The following ADGRG5 variants were observed in gnomAD, a reference collection of about 807,000 sequenced individuals.
ADGRG5 encodes adhesion G protein-coupled receptor G5.
A neutral mutation model predicts 53.2 loss-of-function variants in ADGRG5; 37 were observed. That is an observed-to-expected ratio of 0.70 (90% CI 0.53 to 0.91). The LOEUF is 0.91. Among genes scored for constraint, ADGRG5 ranks in the 40% least tolerant of loss-of-function variants. The probability of loss-of-function intolerance (pLI) is 0.00; values close to 1 mark genes in which losing one functional copy is unlikely to be tolerated. For missense variants in ADGRG5, 614 were observed against 675.8 expected (o/e 0.91, Z 1.01); for synonymous variants, 277 against 290.4 (o/e 0.95, Z 0.47).
intron 7 of ADGRG5, among the ~76,000 whole-genome samples, chr16:57,567,032 C>T (rs1165384260): frequency 1.3e-5 from 2 of 152,190 alleles, no homozygotes; most frequent in Non-Finnish European, 2.9e-5. Context: ...ATAGGATCTC[C>T]TTATGAGATA....
At position 57,563,021 on chromosome 16, in the gene ADGRG5, G is replaced by GTCTACA. The variant is rs1435801419; in HGVS notation, c.141-69_141-64dup. The GTCTACA allele has an allele frequency of 1.9e-6, 3 of 1,553,496 alleles. No individual in the cohort carries two copies. In the East Asian group the frequency reaches 6.7e-5, roughly 35 times the overall value. ...TGGGGAGGCCCTGCCCTCCCAGGCT[G>GTCTACA]TCTACAGCCCCCTCTCACCCTTACC... On this transcript the variant is annotated intron_variant, in intron 3 of 11. Coordinates refer to ENST00000349457, the MANE Select transcript of ADGRG5 (RefSeq NM_001304376.3).
At chr16:57,562,741 C>G (rs2033033697) in intron 3 of ADGRG5, 2 of 545,570 alleles carry the variant, frequency 3.7e-6, no homozygotes, top group East Asian at 6.2e-5. Context: ...TCTGGCTGGG[C>G]TCTCCAGGGT....
the ADGRG5 span, among the ~76,000 whole-genome samples, chr16:57,531,230 C>T: frequency 2.0e-5 from 3 of 151,920 alleles, no homozygotes; most frequent in South Asian, 2.1e-4. Flanking sequence ...TGCCTCCATT[C>T]CCCCCGTGAC....
chr16:57,536,623 C>G, the ADGRG5 span: 2 of 152,120 alleles, frequency 1.3e-5, no homozygotes, highest in Non-Finnish European at 2.9e-5. Context: ...TCCTCCCTCC[C>G]GGGGGGAGGG....
At chr16:57,532,821 G>T in the ADGRG5 span, among the ~76,000 whole-genome samples, 5 of 152,210 alleles carry the variant, frequency 3.3e-5, no homozygotes, top group Admixed American at 6.5e-5. Flanking sequence ...GAGAGCCTGT[G>T]GGGGGAGGGG....
At chr16:57,556,617 C>T (rs1312606919) in intron 1 of ADGRG5, among the ~76,000 whole-genome samples, 3 of 152,196 alleles carry the variant, frequency 2.0e-5, no homozygotes, top group African/African-American at 7.2e-5. Context: ...TCCTGCCTGT[C>T]GTGCTATTTT....
chr16:57,574,545 CA>C lies in ADGRG5; in HGVS notation c.1209-269del, dbSNP rs2033457478. ...GTGGAAAGGAGAGAGGAAGAATTTT[CA>C]GGGGGGTGAAGACATGGGGACGTGA... On this transcript the variant is annotated intron_variant, in intron 10 of 11. Coordinates refer to ENST00000349457, the MANE Select transcript of ADGRG5 (RefSeq NM_001304376.3). The surrounding 1 kb of genome is among the most constrained non-coding windows in gnomAD (Gnocchi z 4.4). 1.3e-5 allele frequency among the ~76,000 whole-genome samples: 2 copies of C among 152,310 alleles called. No homozygotes were observed. Among genetic ancestry groups the C allele is most frequent in the Admixed American group, 6.5e-5 (1 of 15,288 alleles).
chr16:57,535,978 T>G, the ADGRG5 span, among the ~76,000 whole-genome samples: 1 of 152,146 alleles, frequency 6.6e-6, no homozygotes, highest in Non-Finnish European at 1.5e-5. Context: ...CCCAAGCCGC[T>G]GGCCCTGCGA....
At chr16:57,572,734 A>T (rs143451026) in intron 10 of ADGRG5, among the ~76,000 whole-genome samples, 28 of 152,360 alleles carry the variant, frequency 1.8e-4, no homozygotes, top group Middle Eastern at 3.4e-3. Flanking sequence ...AATCATTCAG[A>T]TGTCCACTGA....
chr16:57,569,826 T>C (rs1165721256), intron 9 of ADGRG5, among the ~76,000 whole-genome samples: 11 of 123,456 alleles, frequency 8.9e-5, no homozygotes, highest in African/African-American at 1.3e-4. Flanking sequence ...TCATCATCAT[T>C]ACCTCCTCCA....
In ADGRG5 at chr16:57,574,178, C is replaced by T. The variant is rs2404455; in HGVS notation, c.1209-637C>T. ...AGAGGCCTCCGGGAGGGCGTGGGACCGGGGCTGGCTTCGGTTAGTTCTCCA... is the reference window on the plus strand; with the variant it reads ...AGAGGCCTCCGGGAGGGCGTGGGACTGGGGCTGGCTTCGGTTAGTTCTCCA... On this transcript the variant is annotated intron_variant, in intron 10 of 11. Coordinates refer to ENST00000349457, the MANE Select transcript of ADGRG5 (RefSeq NM_001304376.3). This position sits in a 1 kb window ranked among gnomAD's most constrained non-coding sequence, Gnocchi z 4.4. 0.042 allele frequency among the ~76,000 whole-genome samples: 6,319 copies of T among 152,262 alleles called. 407 individuals are homozygous for T. Among genetic ancestry groups the T allele is most frequent in the East Asian group, 0.33 (1,725 of 5,164 alleles).
At chr16:57,557,903 A>G (rs1430851796) in intron 1 of ADGRG5, among the ~76,000 whole-genome samples, 1 of 152,112 alleles carries the variant, frequency 6.6e-6, no homozygotes, top group African/African-American at 2.4e-5. Context: ...CCTTTAACAT[A>G]TTTATCAGAG....
chr16:57,562,092 G>A lies in ADGRG5; in HGVS notation c.-2G>A, dbSNP rs1399347563. Reference sequence around the variant, plus strand: ...GTTCTTGGAGGAGACTCTGCACAGGGCATGGATCACTGTGGTGCCCTTTTC... The same window carrying A: ...GTTCTTGGAGGAGACTCTGCACAGGACATGGATCACTGTGGTGCCCTTTTC... On this transcript the variant is annotated 5_prime_UTR_variant, in exon 2 of 12. Transcript: ENST00000349457. The A allele has an allele frequency of 6.3e-7, 1 of 1,583,430 alleles. No individual in the cohort carries two copies. The highest frequency in any genetic ancestry group is 2.3e-5 in the East Asian group (1 of 44,236).
At position 57,547,978 on chromosome 16, in the gene ADGRG5, C is replaced by G. The variant is rs559943830; in HGVS notation, c.-39+5277C>G. ...GCCCAGGCTGGTCTTGAACTCCTGA[C>G]CTCAAGTGATTTGCCCACCTAGGCC... On this transcript the variant is annotated intron_variant, in intron 1 of 11. Transcript: ENST00000349457. Among the ~76,000 whole-genome samples, 3 of 152,136 alleles carry G rather than the reference C, an allele frequency of 2.0e-5. 1 individual carries two copies. The South Asian group carries it at 6.2e-4, about 32-fold the overall frequency.
intron 8 of ADGRG5, 131 bp downstream of exon 8, chr16:57,567,722 TGTG>T: frequency 7.1e-7 from 1 of 1,411,754 alleles, no homozygotes; most frequent in Non-Finnish European, 9.7e-7. Flanking sequence ...AGACCAGCCT[TGTG>T]GTGCGACTGC....
At chr16:57,569,378 C>T (rs530725885) in intron 9 of ADGRG5, among the ~76,000 whole-genome samples, 266 of 150,852 alleles carry the variant, frequency 1.8e-3, no homozygotes, top group Non-Finnish European at 2.6e-3. Flanking sequence ...TCCTCCACCT[C>T]CATCAACTCC....
chr16:57,556,526 C>A (rs1335986598), intron 1 of ADGRG5, among the ~76,000 whole-genome samples: 1 of 152,070 alleles, frequency 6.6e-6, no homozygotes, highest in Non-Finnish European at 1.5e-5. Flanking sequence ...ATTTAACTTT[C>A]CACAATTTAC....
chr16:57,537,051 A>G, the ADGRG5 span, among the ~76,000 whole-genome samples: 2 of 152,204 alleles, frequency 1.3e-5, no homozygotes, highest in Non-Finnish European at 2.9e-5. Context: ...TCTGTACAAC[A>G]GAAGGGTTGA....
intron 1 of ADGRG5, among the ~76,000 whole-genome samples, chr16:57,544,037 C>CT (rs1162811481): frequency 6.6e-6 from 1 of 152,164 alleles, no homozygotes. Flanking sequence ...AGGCTCTGTC[C>CT]TGTGCTCCAC....
Sources: allele counts gnomAD v4.1 joint callset (sites outside exome capture counted in the v4.1 genomes callset), GRCh38; gene constraint gnomAD v4.1.1; non-coding constraint Gnocchi (gnomAD v3.1); transcripts MANE v1.5; gene names NCBI Gene and HGNC (gene_info 2026-07-23, HGNC 2026-07-21).